Variants in SORCS2 observed in about 807,000 individuals in gnomAD.
SORCS2 encodes sortilin related VPS10 domain containing receptor 2, also known as VPS10 domain-containing receptor SorCS2.
In SORCS2, 100 loss-of-function variants were observed where a neutral mutation model predicts 141.6. The observed-to-expected ratio is 0.71, with a 90% CI of 0.60 to 0.83. The LOEUF is 0.83. Among genes scored for constraint, SORCS2 ranks in the 40% least tolerant of loss-of-function variants. SORCS2 has a pLI of 0.00. For synonymous variants in SORCS2, 789 were observed against 676.9 expected, an observed-to-expected ratio of 1.17 and a Z score of -2.57; for missense variants, 1,646 against 1,560.2, an observed-to-expected ratio of 1.05 and a Z score of -0.93.
rs550144533 is a variant in SORCS2 at position 7,486,771 on chromosome 4, C to T, written c.549-44759C>T. Among the ~76,000 whole-genome samples the T allele has an allele frequency of 5.3e-5, 8 of 152,342 alleles. No homozygotes were observed. The East Asian group carries it at 5.8e-4, about 11-fold the overall frequency. On this transcript the variant is annotated intron_variant, in intron 2 of 26. Transcript: ENST00000507866. ...CGTGCCCCCAGCCTCTACAGCTGCC[C>T]TCCCATGGTGTTTTCTTCCTGGATC...
In SORCS2 at chr4:7,694,934, T is replaced by TCCTTGAGGCTCA. The variant is rs201499564; in HGVS notation, c.1592-2253_1592-2252insACCTTGAGGCTC. On this transcript the variant is annotated intron_variant, in intron 11 of 26. Coordinates refer to ENST00000507866, the MANE Select transcript of SORCS2 (RefSeq NM_020777.3). ...GGAGGCTCTTTCCTGCCTGAGTCTC[T>TCCTTGAGGCTCA]CCTTGAGGCTCTCCTTGAGGCTCTC... 9.6e-3 allele frequency among the ~76,000 whole-genome samples: 1,465 copies of TCCTTGAGGCTCA among 151,952 alleles called. 11 individuals are homozygous for TCCTTGAGGCTCA. The highest frequency in any genetic ancestry group is 0.027 in the Middle Eastern group (8 of 294).
intron 3 of SORCS2, among the ~76,000 whole-genome samples, chr4:7,549,221 G>A (rs936265877): frequency 6.6e-6 from 1 of 152,154 alleles, no homozygotes; most frequent in Non-Finnish European, 1.5e-5. Flanking sequence ...ATTAAAAAAA[G>A]AAAACATTCC....
chr4:7,315,823 C>A (rs1322852927), intron 1 of SORCS2, among the ~76,000 whole-genome samples: 1 of 152,184 alleles, frequency 6.6e-6, no homozygotes, highest in Non-Finnish European at 1.5e-5. Flanking sequence ...CATGTCTCTA[C>A]CTCTTTGTCT....
chr4:7,559,576 A>G (rs1044912354), intron 3 of SORCS2, among the ~76,000 whole-genome samples: 2 of 152,104 alleles, frequency 1.3e-5, no homozygotes, highest in Non-Finnish European at 2.9e-5. Context: ...CTGTATCATG[A>G]GCTCCAGCCT....
At chr4:7,651,668 G>A (rs1253620157) in intron 4 of SORCS2, among the ~76,000 whole-genome samples, 1 of 152,240 alleles carries the variant, frequency 6.6e-6, no homozygotes, top group Non-Finnish European at 1.5e-5. Flanking sequence ...GGACAGGGGA[G>A]CCGCTCCAGT....
chr4:7,725,126 T>A lies in SORCS2; in HGVS notation c.2612-28T>A, dbSNP rs536319759. On this transcript the variant is annotated intron_variant, in intron 19 of 26. Transcript: ENST00000507866. ...AAATGCCCCATGCCCTGATATCATC[T>A]AACCCTGGCCTTTTTGGGTCCCCAC... 1.2e-6 allele frequency: 2 copies of A among 1,608,706 alleles called. 1 individual carries two copies. The highest frequency in any genetic ancestry group is 2.2e-5 in the South Asian group (2 of 90,382).
intron 1 of SORCS2, among the ~76,000 whole-genome samples, chr4:7,385,359 C>A (rs1335249921): frequency 6.6e-6 from 1 of 152,194 alleles, no homozygotes; most frequent in Non-Finnish European, 1.5e-5. Context: ...AATGGGGATG[C>A]CCAGCACTGA....
intron 3 of SORCS2, among the ~76,000 whole-genome samples, chr4:7,592,554 G>A (rs1299128140): frequency 6.6e-6 from 1 of 152,274 alleles, no homozygotes; most frequent in African/African-American, 2.4e-5. Flanking sequence ...AGTGGTGACA[G>A]TCACTTCAGG....
chr4:7,531,733 C>T, intron 3 of SORCS2, 104 bp downstream of exon 3: 1 of 1,178,674 alleles, frequency 8.5e-7, no homozygotes. Context: ...CCTACTTTGG[C>T]CCAGGCCGGA....
At chr4:7,287,307 G>A (rs1057174369) in intron 1 of SORCS2, among the ~76,000 whole-genome samples, 3 of 152,242 alleles carry the variant, frequency 2.0e-5, no homozygotes, top group Non-Finnish European at 4.4e-5. Flanking sequence ...AGGCTCTGAG[G>A]CCCCCAGGCA....
rs1434464788 is a variant in SORCS2, at chr4:7,419,079, T to C, written c.548+22724T>C. On this transcript the variant is annotated intron_variant, in intron 2 of 26. Coordinates refer to ENST00000507866, the MANE Select transcript of SORCS2 (RefSeq NM_020777.3). The stretch of plus-strand genomic sequence containing the variant: ...ATTGGCCAAAGCAAATCACAAAGAT[T>C]GACCTTTATTCAAAAAGTGGGGAAA... 4.6e-5 allele frequency among the ~76,000 whole-genome samples: 7 copies of C among 152,226 alleles called. No individual in the cohort carries two copies. In the East Asian group the frequency reaches 1.3e-3, roughly 29 times the overall value.
intron 2 of SORCS2, among the ~76,000 whole-genome samples, chr4:7,452,617 C>T (rs755401250): frequency 9.2e-5 from 14 of 152,352 alleles, no homozygotes; most frequent in Admixed American, 5.2e-4. Context: ...TCTGGACCCA[C>T]GAGGGCACGG....
intron 1 of SORCS2, among the ~76,000 whole-genome samples, chr4:7,244,135 C>T (rs940521179): frequency 7.2e-5 from 11 of 152,328 alleles, no homozygotes; most frequent in Admixed American, 2.0e-4. Flanking sequence ...TAGGAAGGGG[C>T]GGCTCCCCTG....
chr4:7,653,506 G>A (rs953558923), intron 4 of SORCS2, among the ~76,000 whole-genome samples: 4 of 152,182 alleles, frequency 2.6e-5, no homozygotes, highest in African/African-American at 9.7e-5. Context: ...ACCTCCCAAG[G>A]TGCTGGGATT....
At chr4:7,467,379 C>G (rs1416870961) in intron 2 of SORCS2, among the ~76,000 whole-genome samples, 1 of 152,302 alleles carries the variant, frequency 6.6e-6, no homozygotes, top group Non-Finnish European at 1.5e-5. Context: ...AGGAGCTCAC[C>G]CTGGGGCCTT....
chr4:7,540,074 CT>C (rs1712478656), intron 3 of SORCS2, among the ~76,000 whole-genome samples: 1 of 142,618 alleles, frequency 7.0e-6, no homozygotes, highest in African/African-American at 2.6e-5. Flanking sequence ...GGCCCCGCCC[CT>C]CCTGTTATGG....
intron 1 of SORCS2, among the ~76,000 whole-genome samples, chr4:7,203,700 G>A (rs140153851): frequency 6.6e-6 from 1 of 152,260 alleles, no homozygotes; most frequent in African/African-American, 2.4e-5. Flanking sequence ...TGCTTTTTCA[G>A]TGTATGGTTC....
chr4:7,192,771 T>C lies in SORCS2; in HGVS notation c.125T>C (p.Leu42Pro). ...CGGCCGCTCCTGCTGCTGCTGCTGC[T>C]GCTGGGCGCCTGCGGGGCGGCGGGG... ...RSRPLLLLLL[L>P]LGACGAAGRS... The change falls in exon 1 of 27, where the codon CTG becomes CCG. Residue 42 changes from leucine to proline, a missense_variant. Transcript: ENST00000507866. This position sits in a 1 kb window ranked among gnomAD's most constrained non-coding sequence, Gnocchi z 4.0. 9.9e-7 allele frequency: 1 copy of C among 1,006,264 alleles called. No homozygotes were observed. Among genetic ancestry groups the C allele is most frequent in the Non-Finnish European group, 1.2e-6 (1 of 845,718 alleles). 62.3% of individuals were successfully genotyped at this position (1,006,264 alleles called of 1,614,324 possible). A position where few individuals can be genotyped will look rare whatever the true frequency, so the allele number is the denominator to read the frequency against.
chr4:7,510,092 C>T (rs1158134365), intron 2 of SORCS2, among the ~76,000 whole-genome samples: 2 of 152,234 alleles, frequency 1.3e-5, no homozygotes, highest in African/African-American at 4.8e-5. Context: ...AGAATGGACT[C>T]GATGATTGGA....
Sources: gnomAD v4.1 joint callset for allele counts (sites outside exome capture counted in the v4.1 genomes callset) on GRCh38, gnomAD v4.1.1 for gene constraint, Gnocchi (gnomAD v3.1) non-coding constraint, MANE v1.5 for transcripts, NCBI Gene and HGNC (gene_info 2026-07-23, HGNC 2026-07-21) for gene names.